CPAP: variants seen among roughly 807,000 people sequenced by gnomAD.
CPAP encodes the protein centrosomal P4.1-associated protein.
chr13:24,912,881 C>G, the CPAP span: 1 of 1,614,110 alleles, frequency 6.2e-7, no homozygotes, highest in East Asian at 2.2e-5. Context: ...GTAGAAATGT[C>G]CACAGCTGCT....
chr13:24,912,660 T>C, the CPAP span: 1 of 1,613,746 alleles, frequency 6.2e-7, no homozygotes, highest in Non-Finnish European at 8.5e-7. Context: ...TGAAGTCATT[T>C]TTGTTTTCTT....
At chr13:24,888,953 T>G in the CPAP span, among the ~76,000 whole-genome samples, 2 of 152,152 alleles carry the variant, frequency 1.3e-5, no homozygotes, top group African/African-American at 4.8e-5. Flanking sequence ...TTTCAAGTTT[T>G]GGAATATTTG....
the CPAP span, among the ~76,000 whole-genome samples, chr13:24,911,166 A>G: frequency 6.6e-6 from 1 of 152,226 alleles, no homozygotes; most frequent in Admixed American, 6.5e-5. Context: ...AATAAACAAG[A>G]CAGAAAATGT....
chr13:24,901,700 T>C, the CPAP span, among the ~76,000 whole-genome samples: 1 of 152,136 alleles, frequency 6.6e-6, no homozygotes, highest in Non-Finnish European at 1.5e-5. Flanking sequence ...GTTGTTGAAA[T>C]GAAAAGCAAG....
At chr13:24,926,190 G>A in the CPAP span, among the ~76,000 whole-genome samples, 1 of 152,292 alleles carries the variant, frequency 6.6e-6, no homozygotes, top group East Asian at 1.9e-4. Context: ...GAGACTGTGC[G>A]GGAAGTAAGT....
the CPAP span, among the ~76,000 whole-genome samples, chr13:24,898,027 C>T: frequency 2.9e-3 from 443 of 152,276 alleles, 6 homozygotes; most frequent in African/African-American, 0.01. Flanking sequence ...TCCCATGTAC[C>T]TGGGACTACA....
At chr13:24,884,840 A>C in the CPAP span, among the ~76,000 whole-genome samples, 2 of 152,160 alleles carry the variant, frequency 1.3e-5, no homozygotes, top group Non-Finnish European at 1.5e-5. Context: ...CGAAAAGTAA[A>C]TTTTCCATAA....
the CPAP span, chr13:24,884,021 A>G: frequency 4.3e-6 from 7 of 1,614,130 alleles, no homozygotes; most frequent in African/African-American, 1.3e-5. Context: ...CCATCAGGAA[A>G]TAAGTTTTTA....
chr13:24,883,913 G>A, the CPAP span: 8 of 1,611,974 alleles, frequency 5.0e-6, no homozygotes, highest in Non-Finnish European at 6.8e-6. Flanking sequence ...GAGCACAGAT[G>A]AACAGGTGTC....
chr13:24,891,879 C>G, the CPAP span, among the ~76,000 whole-genome samples: 1 of 152,214 alleles, frequency 6.6e-6, no homozygotes, highest in Non-Finnish European at 1.5e-5. Context: ...TGCCCCGTCT[C>G]AGGCCCACTC....
the CPAP span, chr13:24,909,992 A>G: frequency 5.0e-6 from 8 of 1,614,050 alleles, no homozygotes; most frequent in African/African-American, 2.7e-5. Flanking sequence ...CCGGGTAGAC[A>G]TATGATGGGA....
the CPAP span, among the ~76,000 whole-genome samples, chr13:24,894,330 G>A: frequency 6.6e-6 from 1 of 152,246 alleles, no homozygotes; most frequent in Non-Finnish European, 1.5e-5. Flanking sequence ...TGGAATCTGA[G>A]TGGACTTTCT....
chr13:24,912,451 G>C, the CPAP span: 4 of 777,876 alleles, frequency 5.1e-6, no homozygotes, highest in African/African-American at 1.8e-5. Context: ...ATTAGACAAA[G>C]GGCAAAATCT....
At chr13:24,922,045 G>A in the CPAP span, among the ~76,000 whole-genome samples, 2 of 152,142 alleles carry the variant, frequency 1.3e-5, no homozygotes, top group Non-Finnish European at 1.5e-5. Context: ...AAGGACACGG[G>A]TGCACGTGTA....
At chr13:24,884,191 C>G in the CPAP span, 1 of 1,614,158 alleles carries the variant, frequency 6.2e-7, no homozygotes, top group Non-Finnish European at 8.5e-7. Context: ...TGTAAGACTT[C>G]CAGTCCCTCC....
chr13:24,916,898 G>A, the CPAP span, among the ~76,000 whole-genome samples: 2 of 152,212 alleles, frequency 1.3e-5, no homozygotes, highest in Non-Finnish European at 2.9e-5. Flanking sequence ...TCCAAGATAT[G>A]TTGCTAGTTA....
the CPAP span, among the ~76,000 whole-genome samples, chr13:24,927,369 A>T: frequency 6.6e-6 from 1 of 152,198 alleles, no homozygotes; most frequent in Admixed American, 6.5e-5. Context: ...AAAGCCAGCC[A>T]TATAGAACCA....
At chr13:24,920,906 C>G in the CPAP span, among the ~76,000 whole-genome samples, 1 of 151,876 alleles carries the variant, frequency 6.6e-6, no homozygotes, top group East Asian at 1.9e-4. Context: ...GGATTACAGG[C>G]ATGAGCCACC....
At chr13:24,924,722 CT>C in the CPAP span, 1 of 152,188 alleles carries the variant, frequency 6.6e-6, no homozygotes, top group East Asian at 1.9e-4. Context: ...TGATACAATT[CT>C]TTATGCCATC....
Sources: allele counts gnomAD v4.1 joint callset (sites outside exome capture counted in the v4.1 genomes callset), GRCh38; gene constraint gnomAD v4.1.1; transcripts MANE v1.5; gene names NCBI Gene and HGNC (gene_info 2026-07-23, HGNC 2026-07-21).